The following PER3 variants were observed in gnomAD, a reference collection of about 807,000 sequenced individuals.
The protein encoded by PER3 is period circadian regulator 3, also known as period circadian protein homolog 3.
PER3 carries 107 observed loss-of-function variants against 127.2 expected under a neutral mutation model. The observed-to-expected ratio is 0.84, with a 90% confidence interval of 0.72 to 0.99. PER3 has a LOEUF of 0.99. Among genes scored for constraint, PER3 ranks in the 50% least tolerant of loss-of-function variants. The pLI is 0.00. For missense variants in PER3, 1,560 were observed against 1,525.8 expected, an observed-to-expected ratio of 1.02 and a Z score of -0.37; for synonymous variants, 618 against 585.8, an observed-to-expected ratio of 1.05 and a Z score of -0.79.
intron 6 of PER3, among the ~76,000 whole-genome samples, chr1:7,794,588 C>T (rs2097136723): frequency 6.6e-6 from 1 of 152,134 alleles, no homozygotes; most frequent in Non-Finnish European, 1.5e-5. Flanking sequence ...ATGTGAAGTA[C>T]ACTTTAAAAT....
At chr1:7,800,380 G>A (rs1043737913) in intron 7 of PER3, among the ~76,000 whole-genome samples, 1 of 150,754 alleles carries the variant, frequency 6.6e-6, no homozygotes, top group Non-Finnish European at 1.5e-5. Flanking sequence ...GCTAATTTTT[G>A]TATTTTTAGT....
chr1:7,819,870 T>C (rs1294436639), intron 14 of PER3, among the ~76,000 whole-genome samples: 2 of 152,038 alleles, frequency 1.3e-5, no homozygotes, highest in Non-Finnish European at 2.9e-5. Flanking sequence ...TTATTCTTCT[T>C]CCAGTGTGGC....
intron 10 of PER3, 112 bp from the exon 11 acceptor site, chr1:7,808,781 G>T: frequency 1.5e-6 from 1 of 662,164 alleles, no homozygotes; most frequent in South Asian, 1.8e-5. Context: ...TTTCTTTGGA[G>T]TCAAAGAATT....
chr1:7,826,811 G>T lies in PER3; in HGVS notation c.2188+101G>T. 2 of 709,984 alleles carry T rather than the reference G, an allele frequency of 2.8e-6. No homozygotes were observed. The highest frequency in any genetic ancestry group is 3.5e-5 in the South Asian group (2 of 57,590). 44.0% of individuals were successfully genotyped at this position (709,984 alleles called of 1,614,324 possible). A position where few individuals can be genotyped will look rare whatever the true frequency, so the allele number is the denominator to read the frequency against. ...GGAGTGAACAATAGGAGTTTTACTTGTAAGAAACTGATGGAGAGATGCTGA... is the reference window on the plus strand; with the variant it reads ...GGAGTGAACAATAGGAGTTTTACTTTTAAGAAACTGATGGAGAGATGCTGA... On this transcript the variant is annotated intron_variant, in intron 17 of 21. Coordinates refer to ENST00000377532, the MANE Select transcript of PER3 (RefSeq NM_001377275.1). The surrounding 1 kb of genome is among the most constrained non-coding windows in gnomAD (Gnocchi z 4.2).
At chr1:7,815,051 A>G (rs1279113532) in intron 13 of PER3, among the ~76,000 whole-genome samples, 4 of 152,218 alleles carry the variant, frequency 2.6e-5, no homozygotes, top group African/African-American at 9.6e-5. Context: ...TACTAAGAAC[A>G]CTGAGGTGAG....
intron 16 of PER3, among the ~76,000 whole-genome samples, chr1:7,821,941 A>G (rs2097278714): frequency 6.6e-6 from 1 of 152,194 alleles, no homozygotes; most frequent in South Asian, 2.1e-4. Context: ...TTGCAAGTTA[A>G]TGTCTTCATT....
At chr1:7,820,404 C>CT in intron 15 of PER3, 63 bp from the exon 16 acceptor site, 1 of 1,511,424 alleles carries the variant, frequency 6.6e-7, no homozygotes, top group Non-Finnish European at 9.0e-7. Context: ...TAAACTGGGT[C>CT]TTTTATGTAA....
intron 19 of PER3, among the ~76,000 whole-genome samples, chr1:7,835,178 C>T (rs1325505180): frequency 2.6e-5 from 4 of 152,010 alleles, no homozygotes; most frequent in African/African-American, 9.7e-5. Flanking sequence ...AGCAGGATTC[C>T]CAGGTATTTT....
intron 7 of PER3, among the ~76,000 whole-genome samples, chr1:7,799,434 C>T (rs1201214394): frequency 6.6e-6 from 1 of 151,978 alleles, no homozygotes; most frequent in African/African-American, 2.4e-5. Context: ...GAAACCCCGT[C>T]TCTACTAAAA....
At chr1:7,810,761 CA>C in intron 13 of PER3, 173 bp downstream of exon 13, 1 of 495,882 alleles carries the variant, frequency 2.0e-6, no homozygotes, top group Non-Finnish European at 3.6e-6. Flanking sequence ...ATAATGGCAG[CA>C]ACAAATACTG....
rs145814649 is a variant in PER3, at chr1:7,837,411, G to A, written c.3549+262G>A. On this transcript the variant is annotated intron_variant, in intron 21 of 21. Coordinates refer to ENST00000377532, the MANE Select transcript of PER3 (RefSeq NM_001377275.1). ...CAGGTGGTTTTTTCTTCTACCAGTT[G>A]GAATGTTAGGGTACGATAAAGAGTA... 4.5e-4 allele frequency among the ~76,000 whole-genome samples: 69 copies of A among 152,148 alleles called. 1 individual carries two copies. In the East Asian group the frequency reaches 7.9e-3, roughly 17 times the overall value.
chr1:7,828,541 G>T (rs2097313841), intron 18 of PER3, among the ~76,000 whole-genome samples: 1 of 152,148 alleles, frequency 6.6e-6, no homozygotes, highest in Admixed American at 6.5e-5. Context: ...TTCTTTAACA[G>T]ATATTCAAAA....
intron 1 of PER3, 35 bp downstream of exon 1, chr1:7,784,411 C>T (rs965262904): frequency 1.3e-5 from 2 of 152,158 alleles, no homozygotes; most frequent in South Asian, 2.1e-4. Flanking sequence ...TCTGGGCGGC[C>T]GGGCGGGAGT....
rs751192247 is a variant in PER3, at chr1:7,827,477, C to A, written c.2548C>A (p.Pro850Thr). The A allele has an allele frequency of 1.1e-5, 17 of 1,614,274 alleles. No individual in the cohort carries two copies. Among genetic ancestry groups the A allele is most frequent in the African/African-American group, 1.3e-5 (1 of 75,072 alleles). ...GLQPYPAFPFPYLDTFMTVFL... is the reference protein window; with the variant it reads ...GLQPYPAFPFTYLDTFMTVFL... ...GCAGCCTTACCCAGCTTTCCCTTTT[C>A]CTTACTTGGATACTTTTATGACCGT... is the stretch of plus-strand genomic sequence containing the variant. Residue 850 changes from proline (P) to threonine (T), a missense_variant, in exon 18 of 22, where the codon CCT (proline) becomes ACT (threonine). By Grantham distance (38) the Pro-to-Thr change is conservative. Around this residue, in one of 3 missense-constraint regions of PER3, gnomAD observed 1,332 missense variants for 1,223.6 expected, o/e 1.09. Transcript: ENST00000377532.
At chr1:7,786,448 G>A (rs1385936227) in intron 3 of PER3, among the ~76,000 whole-genome samples, 3 of 151,780 alleles carry the variant, frequency 2.0e-5, no homozygotes, top group African/African-American at 7.3e-5. Context: ...TGCTCCCCCC[G>A]CAAAAAAATT....
intron 10 of PER3, among the ~76,000 whole-genome samples, chr1:7,808,184 G>T (rs745465881): frequency 3.1e-5 from 4 of 130,666 alleles, no homozygotes; most frequent in Non-Finnish European, 6.2e-5. Context: ...AGTGAACCAA[G>T]ATTATGCTAC....
chr1:7,795,517 G>A (rs1003667730), intron 6 of PER3, among the ~76,000 whole-genome samples: 3 of 152,192 alleles, frequency 2.0e-5, no homozygotes, highest in African/African-American at 4.8e-5. Context: ...GAGCCACACC[G>A]GTATCTGAGG....
At chr1:7,816,015 A>AAAAAAAAAATTG (rs1558436913) in intron 13 of PER3, among the ~76,000 whole-genome samples, 134 of 148,414 alleles carry the variant, frequency 9.0e-4, no homozygotes, top group African/African-American at 3.3e-3. Flanking sequence ...AAAAAAAAAA[A>AAAAAAAAAATTG]AATTGAATTG....
rs2097180717 is a variant in PER3, at chr1:7,803,724, C to T, written c.1012C>T (p.His338Tyr). The change falls in exon 10 of 22, where the codon CAT becomes TAT. Residue 338 changes from histidine to tyrosine, a missense_variant. Physicochemically the swap from His to Tyr is moderately conservative, Grantham distance 83 (BLOSUM62 2). Coordinates refer to ENST00000377532, the MANE Select transcript of PER3 (RefSeq NM_001377275.1). ...LKYAGHPPFE[H>Y]SPIRFCTQNG... ...GTATGCAGGGCATCCTCCCTTTGAA[C>T]ATTCTCCCATTCGATTTTGTACTCA... The T allele has an allele frequency of 6.2e-7, 1 of 1,607,626 alleles. No individual in the cohort carries two copies. The highest frequency in any genetic ancestry group is 8.5e-7 in the Non-Finnish European group (1 of 1,174,362).
Sources: gnomAD v4.1 joint callset for allele counts (sites outside exome capture counted in the v4.1 genomes callset) on GRCh38, gnomAD v4.1.1 for gene constraint, gnomAD v4.1.1 regional missense constraint, Gnocchi (gnomAD v3.1) non-coding constraint, MANE v1.5 for transcripts, NCBI Gene and HGNC (gene_info 2026-07-23, HGNC 2026-07-21) for gene names.